The following ERBB4 variants were observed in gnomAD, a reference collection of about 807,000 sequenced individuals.
ERBB4 encodes receptor tyrosine-protein kinase erbB-4.
In ERBB4, 42 loss-of-function variants were observed where a neutral mutation model predicts 158.0. The observed-to-expected ratio is 0.27, with a 90% CI of 0.21 to 0.34. The LOEUF is 0.34. Among genes scored for constraint, ERBB4 ranks in the 10% least tolerant of loss-of-function variants. The probability of loss-of-function intolerance (pLI) is 1.00; values close to 1 mark genes in which losing one functional copy is unlikely to be tolerated. For synonymous variants in ERBB4, 583 were observed against 558.7 expected (o/e 1.04, Z -0.61); for missense variants, 1,333 against 1,624.1 (o/e 0.82, Z 3.08).
At chr2:212,319,205 GACAA>G (rs1303673056) in intron 1 of ERBB4, among the ~76,000 whole-genome samples, 9 of 151,516 alleles carry the variant, frequency 5.9e-5, no homozygotes, top group African/African-American at 1.7e-4. Flanking sequence ...CTTTTATGTA[GACAA>G]ACAAAATATG....
chr2:211,566,655 G>A (rs1422968582), intron 19 of ERBB4, among the ~76,000 whole-genome samples: 1 of 152,068 alleles, frequency 6.6e-6, no homozygotes, highest in African/African-American at 2.4e-5. Flanking sequence ...GTGTAAACCA[G>A]AGGGTTCCTT....
chr2:212,442,487 G>A (rs2092275757), intron 1 of ERBB4, among the ~76,000 whole-genome samples: 2 of 152,194 alleles, frequency 1.3e-5, no homozygotes, highest in Admixed American at 6.5e-5. Context: ...GATATTTTGG[G>A]GACTCCTGGG....
intron 1 of ERBB4, among the ~76,000 whole-genome samples, chr2:212,508,193 GATAACAGTATAGTAGAAAC>G (rs1337314986): frequency 2.0e-5 from 3 of 152,178 alleles, no homozygotes; most frequent in Admixed American, 1.3e-4. Context: ...ACACTTTACA[GATAACAGTATAGTAGAAAC>G]ATAACTTTTA....
intron 20 of ERBB4, among the ~76,000 whole-genome samples, chr2:211,532,750 G>C (rs2066535973): frequency 6.6e-6 from 1 of 151,734 alleles, no homozygotes; most frequent in African/African-American, 2.4e-5. Context: ...ACTCCAAAAG[G>C]TTCAATGACT....
At chr2:211,797,414 G>T (rs2076404928) in intron 3 of ERBB4, among the ~76,000 whole-genome samples, 1 of 151,874 alleles carries the variant, frequency 6.6e-6, no homozygotes, top group Admixed American at 6.6e-5. Flanking sequence ...CTCACAATGT[G>T]TGATTTCTAC....
intron 9 of ERBB4, 115 bp downstream of exon 9, chr2:211,711,935 T>A (rs1232090560): frequency 4.6e-6 from 4 of 863,668 alleles, no homozygotes; most frequent in Non-Finnish European, 7.5e-6. Context: ...GTGAGGAGCA[T>A]TAATGAAAGG....
At chr2:211,977,634 C>T (rs562970573) in intron 2 of ERBB4, among the ~76,000 whole-genome samples, 45 of 149,942 alleles carry the variant, frequency 3.0e-4, no homozygotes, top group Non-Finnish European at 5.2e-4. Context: ...GTCAGTAGCT[C>T]GAGACCAGCC....
intron 5 of ERBB4, among the ~76,000 whole-genome samples, chr2:211,750,067 G>A (rs2075085884): frequency 6.6e-6 from 1 of 151,840 alleles, no homozygotes; most frequent in African/African-American, 2.4e-5. Context: ...ATATGTCTTA[G>A]CAATGATGAT....
chr2:211,777,830 C>A (rs1338087610), intron 4 of ERBB4: 2 of 152,116 alleles, frequency 1.3e-5, no homozygotes, highest in East Asian at 1.9e-4. Context: ...CGTCCTCTTA[C>A]CCACCTCTCC....
At chr2:212,044,023 T>A (rs1311952137) in intron 2 of ERBB4, among the ~76,000 whole-genome samples, 1 of 152,138 alleles carries the variant, frequency 6.6e-6, no homozygotes, top group Non-Finnish European at 1.5e-5. Context: ...AGTGCTATAG[T>A]TTCTCATAAA....
At chr2:211,531,900 A>G in intron 20 of ERBB4, among the ~76,000 whole-genome samples, 1 of 152,130 alleles carries the variant, frequency 6.6e-6, no homozygotes, top group Admixed American at 6.5e-5. Context: ...AAGATTTGGA[A>G]GCAACCTAAA....
rs977295605 is a variant in ERBB4, at chr2:211,378,182, C to T, written c.*5433G>A. On this transcript the variant is annotated 3_prime_UTR_variant, in exon 28 of 28. Transcript: ENST00000342788. ...TTCCTCTAAAGGTCAGAGAGAAATA[C>T]ATTTTTCTTTGATTCCTAACAAGGT... The T allele has an allele frequency of 3.9e-5, 9 of 232,994 alleles. No homozygotes were observed. The highest frequency in any genetic ancestry group is 1.3e-4 in the African/African-American group (6 of 45,322). The allele number at this position is 232,994 out of a possible 1,614,324, so 14.4% of individuals were successfully genotyped here. A position where few individuals can be genotyped will look rare whatever the true frequency, so the allele number is the denominator to read the frequency against.
At chr2:211,902,166 A>G (rs563631180) in intron 3 of ERBB4, among the ~76,000 whole-genome samples, 26 of 152,074 alleles carry the variant, frequency 1.7e-4, no homozygotes, top group Non-Finnish European at 2.6e-4. Flanking sequence ...TGCTTCTTTG[A>G]GCAGGGATTA....
At chr2:212,353,504 T>C (rs1348183570) in intron 1 of ERBB4, among the ~76,000 whole-genome samples, 1 of 150,872 alleles carries the variant, frequency 6.6e-6, no homozygotes, top group African/African-American at 2.4e-5. Context: ...TAGACAGATA[T>C]AATCTACACT....
rs531473340 is a variant in ERBB4, at chr2:212,516,487, T to C, written c.82+21962A>G. Reference sequence around the variant, plus strand: ...GCAACCTATTCTTAGGCAAATAACATCTCTAAATCTTACACTTATTTTCTG... The same window carrying C: ...GCAACCTATTCTTAGGCAAATAACACCTCTAAATCTTACACTTATTTTCTG... On this transcript the variant is annotated intron_variant, in intron 1 of 27. Transcript: ENST00000342788. 2.6e-5 allele frequency among the ~76,000 whole-genome samples: 4 copies of C among 152,100 alleles called. No individual in the cohort carries two copies. The South Asian group carries it at 6.2e-4, about 24-fold the overall frequency.
intron 1 of ERBB4, among the ~76,000 whole-genome samples, chr2:212,492,634 G>A (rs1035755729): frequency 1.3e-5 from 2 of 151,330 alleles, no homozygotes; most frequent in African/African-American, 4.8e-5. Context: ...AAAATGATCA[G>A]ATCTAATATG....
intron 1 of ERBB4, among the ~76,000 whole-genome samples, chr2:212,140,873 G>GTGTGTC (rs2080442242): frequency 6.6e-6 from 1 of 151,148 alleles, no homozygotes; most frequent in South Asian, 2.1e-4. Flanking sequence ...GTGTGTGTGT[G>GTGTGTC]TGTGTGTGTG....
intron 3 of ERBB4, among the ~76,000 whole-genome samples, chr2:211,855,841 A>G (rs1252787333): frequency 6.6e-6 from 1 of 152,214 alleles, no homozygotes; most frequent in Non-Finnish European, 1.5e-5. Flanking sequence ...GAAAAGAAAT[A>G]AAGGGTGTAA....
Position 212,092,514 on chromosome 2 carries a change from C to A in ERBB4, c.234+32238G>T, listed in dbSNP as rs571945480. Among the ~76,000 whole-genome samples, 3 of 152,078 alleles carry A rather than the reference C, an allele frequency of 2.0e-5. No homozygotes were observed. The South Asian group carries it at 6.2e-4, about 32-fold the overall frequency. On this transcript the variant is annotated intron_variant, in intron 2 of 27. Transcript: ENST00000342788. ...CTGACTTTTGTACCTCTTTATAGAT[C>A]GAAGAGTGAAGACTCATGAGGCTAA... is the stretch of plus-strand genomic sequence containing the variant.
Sources: allele counts gnomAD v4.1 joint callset (sites outside exome capture counted in the v4.1 genomes callset), GRCh38; gene constraint gnomAD v4.1.1; transcripts MANE v1.5; gene names NCBI Gene and HGNC (gene_info 2026-07-23, HGNC 2026-07-21).